SUGT1: variants seen among roughly 807,000 people sequenced by gnomAD.
SUGT1 encodes the protein protein SGT1 homolog.
A neutral mutation model predicts 56.1 loss-of-function variants in SUGT1; 15 were observed. The ratio of observed to expected loss-of-function variants is 0.27; its 90% CI spans 0.18 to 0.41. The LOEUF (loss-of-function observed/expected upper bound fraction) is 0.41, where lower values mean the gene tolerates loss of function less well. Among genes scored for constraint, SUGT1 ranks in the 10% least tolerant of loss-of-function variants. The pLI, the probability that SUGT1 is intolerant of heterozygous loss-of-function variation, is 1.00. For synonymous variants in SUGT1, 123 were observed against 128.6 expected, an observed-to-expected ratio of 0.96 and a Z score of 0.30; for missense variants, 347 against 382.2, an observed-to-expected ratio of 0.91 and a Z score of 0.77.
Position 52,687,734 on chromosome 13 carries a change from A to G in SUGT1, c.901A>G (p.Met301Val). The change falls in exon 13 of 13, where the codon ATG becomes GTG. Residue 301 changes from methionine (M) to valine (V), a missense_variant and splice_region_variant. By Grantham distance (21) the Met-to-Val change is conservative. Coordinates refer to ENST00000310528, the MANE Select transcript of SUGT1 (RefSeq NM_006704.5). The part of the protein sequence containing the change: ...EVKRAMNKSF[M>V]ESGGTVLSTN... ...AATCTATTTTTATTTTTCATTGCAG[A>G]TGGAGTCGGGTGGTACAGTTTTGAG... 1 of 1,574,294 alleles carries G rather than the reference A, an allele frequency of 6.4e-7. No homozygotes were observed. The highest frequency in any genetic ancestry group is 8.6e-7 in the Non-Finnish European group (1 of 1,166,718).
At chr13:52,684,430 T>C (rs1289615829) in intron 12 of SUGT1, among the ~76,000 whole-genome samples, 2 of 152,028 alleles carry the variant, frequency 1.3e-5, no homozygotes, top group Non-Finnish European at 2.9e-5. Flanking sequence ...TGTTCTACAT[T>C]TTTTTATTCA....
At chr13:52,657,289 C>A (rs996592065) in intron 2 of SUGT1, among the ~76,000 whole-genome samples, 1 of 151,940 alleles carries the variant, frequency 6.6e-6, no homozygotes, top group African/African-American at 2.4e-5. Context: ...TTCTATAGAC[C>A]AGGAACTAAA....
Position 52,689,979 on chromosome 13 carries a change from TA to T in SUGT1, c.*2156del, listed in dbSNP as rs1356090708. On this transcript the variant is annotated 3_prime_UTR_variant, in exon 13 of 13. Coordinates refer to ENST00000310528, the MANE Select transcript of SUGT1 (RefSeq NM_006704.5). The stretch of plus-strand genomic sequence containing the variant: ...ATCTCAAAAAAAATAAATAGCTGTT[TA>T]AAAAAAAAAAATCTGGTACTATCTT... 125 of 147,106 alleles carry T rather than the reference TA, an allele frequency of 8.5e-4. No homozygotes were observed. Among genetic ancestry groups the T allele is most frequent in the African/African-American group, 1.9e-3 (77 of 40,186 alleles). 9.1% of individuals were successfully genotyped at this position (147,106 alleles called of 1,614,324 possible). A position where few individuals can be genotyped will look rare whatever the true frequency, so the allele number is the denominator to read the frequency against.
At chr13:52,681,795 A>G (rs1963385416) in intron 12 of SUGT1, among the ~76,000 whole-genome samples, 1 of 151,282 alleles carries the variant, frequency 6.6e-6, no homozygotes, top group African/African-American at 2.4e-5. Context: ...TGATCGTGCC[A>G]CTACACTTAG....
intron 10 of SUGT1, among the ~76,000 whole-genome samples, chr13:52,672,872 C>G (rs1962998423): frequency 6.6e-6 from 1 of 152,200 alleles, no homozygotes; most frequent in South Asian, 2.1e-4. Context: ...GAGGAGACTT[C>G]AGAAGTGGAT....
At chr13:52,659,357 T>C (rs1288873056) in intron 5 of SUGT1, 108 bp downstream of exon 5, 3 of 585,022 alleles carry the variant, frequency 5.1e-6, no homozygotes, top group African/African-American at 4.0e-5. Context: ...ACCCAATACC[T>C]GTTTTTCTCA....
In SUGT1 at chr13:52,662,694, C is replaced by T. The variant is rs765777274; in HGVS notation, c.374C>T (p.Ala125Val). The T allele has an allele frequency of 3.7e-5, 59 of 1,613,416 alleles. No homozygotes were observed. The South Asian group carries it at 6.3e-4, about 17-fold the overall frequency. Residue 125 changes from alanine (A) to valine (V), a missense_variant, in exon 6 of 13, where the codon GCT (alanine) becomes GTT (valine). Ala to Val is a moderately conservative substitution (Grantham distance 64, BLOSUM62 0). Coordinates refer to ENST00000310528, the MANE Select transcript of SUGT1 (RefSeq NM_006704.5). ...FSVWIKRCQE[A>V]QNGSESEVWT... ...GTCTGGATTAAAAGGTGTCAAGAAGCTCAGAATGGTATGTGGGTCTCCCTT... is the reference window on the plus strand; with the variant it reads ...GTCTGGATTAAAAGGTGTCAAGAAGTTCAGAATGGTATGTGGGTCTCCCTT...
At chr13:52,687,520 G>A in intron 12 of SUGT1, 1 of 283,940 alleles carries the variant, frequency 3.5e-6, no homozygotes, top group Non-Finnish European at 6.4e-6. Context: ...GTTAACCTCT[G>A]GAATGCCTAA....
At position 52,658,491 on chromosome 13, in the gene SUGT1, G is replaced by T. The variant is rs765617105; in HGVS notation, c.257+23G>T. 3.1e-6 allele frequency: 5 copies of T among 1,600,154 alleles called. No homozygotes were observed. The African/African-American group carries it at 5.4e-5, about 17-fold the overall frequency. ...AGGGTATGCAGTAGCTACTCTTCTT[G>T]TTGAGCTTGGTATAGATAGTAGGTA... On this transcript the variant is annotated intron_variant, in intron 4 of 12. Transcript: ENST00000310528.
chr13:52,684,518 A>G (rs1963500330), intron 12 of SUGT1, among the ~76,000 whole-genome samples: 1 of 149,702 alleles, frequency 6.7e-6, no homozygotes, highest in Non-Finnish European at 1.5e-5. Context: ...TAAGATGTAC[A>G]TTTGTCTATT....
intron 11 of SUGT1, 93 bp from the exon 12 acceptor site, chr13:52,679,881 A>G (rs1449473581): frequency 1.4e-5 from 17 of 1,248,054 alleles, no homozygotes; most frequent in Admixed American, 3.1e-5. Context: ...ACTGTTTGCT[A>G]AGATGTTCCA....
chr13:52,653,767 G>A (rs564271951), intron 2 of SUGT1, among the ~76,000 whole-genome samples: 3 of 152,302 alleles, frequency 2.0e-5, no homozygotes, highest in African/African-American at 7.2e-5. Flanking sequence ...AATTAAAGGA[G>A]AACCTAAAGA....
rs2138195027 is a variant in SUGT1, at chr13:52,694,878, C to G, written c.*7043C>G. ...TAATTTTTTGTATTTTTAGTAGAGA[C>G]AAGAGTTTCACCGTGTTAGCCAGGA... On this transcript the variant is annotated 3_prime_UTR_variant, in exon 13 of 13. Coordinates refer to ENST00000310528, the MANE Select transcript of SUGT1 (RefSeq NM_006704.5). 6.6e-6 allele frequency: 1 copy of G among 152,270 alleles called. No homozygotes were observed. Among genetic ancestry groups the G allele is most frequent in the East Asian group, 1.9e-4 (1 of 5,170 alleles). The allele number at this position is 152,270 out of a possible 1,614,324, so 9.4% of individuals were successfully genotyped here.
Position 52,698,468 on chromosome 13 carries a change from T to TTTTTA in SUGT1, c.*10633_*10634insTTTTA, listed in dbSNP as rs1963996880. Reference sequence around the variant, plus strand: ...CTAATCTTTTTTTTTTTTTTTTTTTTAAGAGACAGGGTTTTGCTCTGCTGT... The same window carrying TTTTTA: ...CTAATCTTTTTTTTTTTTTTTTTTTTTTTTAAAGAGACAGGGTTTTGCTCTGCTGT... On this transcript the variant is annotated 3_prime_UTR_variant, in exon 13 of 13. Coordinates refer to ENST00000310528, the MANE Select transcript of SUGT1 (RefSeq NM_006704.5). The TTTTTA allele has an allele frequency of 1.1e-5, 1 of 89,716 alleles. No homozygotes were observed. The highest frequency in any genetic ancestry group is 3.3e-4 in the East Asian group (1 of 3,072). The allele number at this position is 89,716 out of a possible 1,614,324, so 5.6% of individuals were successfully genotyped here.
At chr13:52,653,923 A>C (rs141751811) in intron 2 of SUGT1, among the ~76,000 whole-genome samples, 79 of 152,320 alleles carry the variant, frequency 5.2e-4, no homozygotes, top group East Asian at 2.3e-3. Flanking sequence ...TTTTATAAGA[A>C]ATGTGCCACA....
Position 52,678,506 on chromosome 13 carries a change from T to C in SUGT1, c.719-1468T>C, listed in dbSNP as rs547582415. Reference sequence around the variant, plus strand: ...TGATGGGGAAATTTTGAATTGGGTTTTTTGAAAACTGTAGCTCTTTTGTCC... The same window carrying C: ...TGATGGGGAAATTTTGAATTGGGTTCTTTGAAAACTGTAGCTCTTTTGTCC... On this transcript the variant is annotated intron_variant, in intron 11 of 12. Coordinates refer to ENST00000310528, the MANE Select transcript of SUGT1 (RefSeq NM_006704.5). Among the ~76,000 whole-genome samples, 6 of 152,250 alleles carry C rather than the reference T, an allele frequency of 3.9e-5. No individual in the cohort carries two copies. The East Asian group carries it at 1.2e-3, about 29-fold the overall frequency.
chr13:52,658,943 GT>G (rs781621040), intron 4 of SUGT1, among the ~76,000 whole-genome samples: 1 of 151,730 alleles, frequency 6.6e-6, no homozygotes, highest in Non-Finnish European at 1.5e-5. Flanking sequence ...ATATTTTTGA[GT>G]AAGCAAGTCT....
intron 12 of SUGT1, among the ~76,000 whole-genome samples, chr13:52,680,863 A>G (rs1177491430): frequency 6.6e-6 from 1 of 152,190 alleles, no homozygotes; most frequent in African/African-American, 2.4e-5. Flanking sequence ...TTATTTAGAG[A>G]CAAGGTCTCA....
At chr13:52,671,751 A>G (rs990574359) in intron 10 of SUGT1, among the ~76,000 whole-genome samples, 6 of 152,148 alleles carry the variant, frequency 3.9e-5, no homozygotes, top group East Asian at 1.9e-4. Flanking sequence ...TTCTCATTTT[A>G]TAGGAGAAAC....
Sources: allele counts gnomAD v4.1 joint callset (sites outside exome capture counted in the v4.1 genomes callset), GRCh38; gene constraint gnomAD v4.1.1; transcripts MANE v1.5; gene names NCBI Gene and HGNC (gene_info 2026-07-23, HGNC 2026-07-21).